Variants in ZNF880 observed in about 807,000 individuals in gnomAD.
ZNF880 encodes the protein zinc finger protein 880, also known as zinc finger protein LOC400713.
Under a neutral mutation model 11.8 loss-of-function variants are expected in ZNF880, and 12 were observed. The observed-to-expected ratio is 1.02, with a 90% CI of 0.65 to 1.65. The LOEUF (loss-of-function observed/expected upper bound fraction) is 1.65. ZNF880 is among the 40% of genes most tolerant of loss of function. ZNF880 has a pLI of 0.00. For missense variants in ZNF880, 601 were observed against 673.9 expected, an observed-to-expected ratio of 0.89 and a Z score of 1.20; for synonymous variants, 210 against 232.4, an observed-to-expected ratio of 0.90 and a Z score of 0.88.
chr19:52,379,337 T>C (rs1420141744), intron 3 of ZNF880: 1 of 400,970 alleles, frequency 2.5e-6, no homozygotes, highest in East Asian at 7.2e-5. Flanking sequence ...GATTAAGATA[T>C]TAAATAATAT....
At chr19:52,388,282 C>CTTTTTTTTTCTTTTT (rs1986946151), downstream of ZNF880, among the ~76,000 whole-genome samples, 1 of 63,424 alleles carries the variant, frequency 1.6e-5, no homozygotes, top group Non-Finnish European at 2.6e-5. Context: ...GCAATTTGAA[C>CTTTTTTTTTCTTTTT]TTTTTTTTTT....
At position 52,384,346 on chromosome 19, in the gene ZNF880, G is replaced by C. The variant is rs772566357; in HGVS notation, c.766G>C (p.Ala256Pro). The change falls in exon 4 of 4, where the codon GCA (alanine) becomes CCA (proline). Residue 256 changes from alanine to proline, a missense_variant. Around this residue, in one of 3 missense-constraint regions of ZNF880, gnomAD observed 420 missense variants for 442.6 expected, o/e 0.95. Transcript: ENST00000422689. ...GCTCTTCAATCGAATTTCACTCCTT[G>C]CACGACATCAGAGAATACATACTGG... The part of the protein sequence containing the change: ...GKLFNRISLL[A>P]RHQRIHTGEK... 6.2e-7 allele frequency: 1 copy of C among 1,613,530 alleles called. No homozygotes were observed. Among genetic ancestry groups the C allele is most frequent in the East Asian group, 2.2e-5 (1 of 44,792 alleles).
intron 3 of ZNF880, among the ~76,000 whole-genome samples, chr19:52,375,703 C>G (rs1986533408): frequency 6.6e-6 from 1 of 152,010 alleles, no homozygotes; most frequent in African/African-American, 2.4e-5. Context: ...CCTTTGCATC[C>G]TCCCAGTTTA....
chr19:52,386,187 AAG>A (rs1464847846), downstream of ZNF880, among the ~76,000 whole-genome samples: 230 of 138,504 alleles, frequency 1.7e-3, 25 homozygotes, highest in African/African-American at 5.5e-3. Flanking sequence ...AAAAAAAAAA[AAG>A]AAAGAAAAAG....
chr19:52,373,336 A>G, intron 2 of ZNF880, 99 bp downstream of exon 2: 1 of 1,264,204 alleles, frequency 7.9e-7, no homozygotes, highest in South Asian at 1.5e-5. Flanking sequence ...GTATTGCTTG[A>G]CTGAGATTGA....
chr19:52,377,402 G>A (rs975938379), intron 3 of ZNF880, among the ~76,000 whole-genome samples: 2 of 152,116 alleles, frequency 1.3e-5, no homozygotes, highest in African/African-American at 4.8e-5. Context: ...CGAATGGGTG[G>A]GGATTTCTAC....
At chr19:52,382,886 C>G (rs1986744743) in intron 3 of ZNF880, among the ~76,000 whole-genome samples, 1 of 152,192 alleles carries the variant, frequency 6.6e-6, no homozygotes, top group Non-Finnish European at 1.5e-5. Context: ...TTCGAATCTT[C>G]TGTCTTCCTG....
downstream of ZNF880, among the ~76,000 whole-genome samples, chr19:52,386,170 T>TC (rs1600254029): frequency 2.4e-5 from 1 of 42,410 alleles, no homozygotes; most frequent in Non-Finnish European, 4.5e-5. Flanking sequence ...AGACTCTGTC[T>TC]CAAAAAAAAA....
chr19:52,386,263 A>G (rs181825807), downstream of ZNF880, among the ~76,000 whole-genome samples: 4 of 143,358 alleles, frequency 2.8e-5, no homozygotes, highest in Non-Finnish European at 6.1e-5. Context: ...TTGCCGAGGA[A>G]GAAGGACACT....
At chr19:52,393,412 T>C in the ZNF880 span, among the ~76,000 whole-genome samples, 1 of 51,470 alleles carries the variant, frequency 1.9e-5, no homozygotes. Context: ...TCTTTCTTTC[T>C]TTTTTTTTTT....
the ZNF880 span, chr19:52,395,505 GT>G: frequency 6.6e-6 from 1 of 152,194 alleles, no homozygotes; most frequent in Non-Finnish European, 1.5e-5. Flanking sequence ...CTGCACACTG[GT>G]TGCCAATGTG....
chr19:52,369,362 C>CA (rs57601492), upstream of ZNF880, among the ~76,000 whole-genome samples: 474 of 112,326 alleles, frequency 4.2e-3, 5 homozygotes, highest in East Asian at 0.053. Context: ...ACTCTGTCTC[C>CA]AAAAAAAAAA....
chr19:52,379,402 CTT>C (rs71304201), intron 3 of ZNF880: 943 of 363,874 alleles, frequency 2.6e-3, no homozygotes, highest in Middle Eastern at 3.9e-3. Flanking sequence ...TTTCATTTTT[CTT>C]TTTTTTTTTT....
chr19:52,371,960 C>T (rs564477678), intron 1 of ZNF880, among the ~76,000 whole-genome samples: 3 of 151,768 alleles, frequency 2.0e-5, no homozygotes, highest in African/African-American at 4.8e-5. Context: ...GAGGCCGAGG[C>T]GGGAGGATTG....
At chr19:52,369,700 G>A (rs559280309), upstream of ZNF880, among the ~76,000 whole-genome samples, 33 of 152,022 alleles carry the variant, frequency 2.2e-4, no homozygotes, top group South Asian at 3.7e-3. Flanking sequence ...CCCTACAGCC[G>A]ATTTAAAATT....
At chr19:52,378,070 T>A (rs1359509235) in intron 3 of ZNF880, among the ~76,000 whole-genome samples, 1 of 152,150 alleles carries the variant, frequency 6.6e-6, no homozygotes, top group Non-Finnish European at 1.5e-5. Context: ...ACTTTCATGC[T>A]TGTAATCATG....
chr19:52,380,830 C>T (rs774358737), intron 3 of ZNF880, among the ~76,000 whole-genome samples: 30 of 152,200 alleles, frequency 2.0e-4, no homozygotes, highest in Middle Eastern at 3.4e-3. Context: ...GCATGTACCA[C>T]CATGCCTGGC....
chr19:52,393,918 G>C, the ZNF880 span, among the ~76,000 whole-genome samples: 9 of 137,096 alleles, frequency 6.6e-5, no homozygotes, highest in East Asian at 1.7e-3. Context: ...CTCACTGCAA[G>C]CTCCGCCTCC....
chr19:52,391,322 G>C, the ZNF880 span: 4 of 150,596 alleles, frequency 2.7e-5, no homozygotes, highest in South Asian at 4.3e-4. Flanking sequence ...GGGAAGCTAG[G>C]GGGCAGCAGA....
Sources: gnomAD v4.1 joint callset for allele counts (sites outside exome capture counted in the v4.1 genomes callset) on GRCh38, gnomAD v4.1.1 for gene constraint, gnomAD v4.1.1 regional missense constraint, MANE v1.5 for transcripts, NCBI Gene and HGNC (gene_info 2026-07-23, HGNC 2026-07-21) for gene names.